The following CIMAP2 variants were observed in gnomAD, a reference collection of about 807,000 sequenced individuals.
CIMAP2 encodes ciliary microtubule-associated protein 2.
At chr1:54,830,258 T>C in the CIMAP2 span, among the ~76,000 whole-genome samples, 29,951 of 152,116 alleles carry the variant, frequency 0.2, 3,060 homozygotes, top group East Asian at 0.34. This position sits in a 1 kb window ranked among gnomAD's most constrained non-coding sequence, Gnocchi z 4.1. Flanking sequence ...GTTTTGCTTT[T>C]GTTGCCCAGG....
chr1:54,807,477 T>C, the CIMAP2 span: 1 of 1,453,252 alleles, frequency 6.9e-7, no homozygotes, highest in South Asian at 1.5e-5. Flanking sequence ...GCTCTGTGGG[T>C]AGACTGGGCG....
chr1:54,808,068 C>T, the CIMAP2 span: 7 of 1,465,698 alleles, frequency 4.8e-6, no homozygotes, highest in Non-Finnish European at 6.3e-6. Context: ...ACTGGGTGCC[C>T]AACAAATTCA....
chr1:54,807,041 C>T, the CIMAP2 span: 1 of 1,614,210 alleles, frequency 6.2e-7, no homozygotes, highest in Non-Finnish European at 8.5e-7. Context: ...AGTTCAGCAC[C>T]TTCACTGAGG....
the CIMAP2 span, among the ~76,000 whole-genome samples, chr1:54,810,089 G>A: frequency 6.6e-6 from 1 of 152,122 alleles, no homozygotes; most frequent in Non-Finnish European, 1.5e-5. Context: ...CTGAGAAAGT[G>A]CCCAGCGCTG....
the CIMAP2 span, among the ~76,000 whole-genome samples, chr1:54,810,886 T>C: frequency 6.6e-6 from 1 of 152,224 alleles, no homozygotes; most frequent in Non-Finnish European, 1.5e-5. Flanking sequence ...CCGTTGCCTG[T>C]GAGCCTCCAC....
chr1:54,811,713 A>G, the CIMAP2 span: 204 of 972,600 alleles, frequency 2.1e-4, no homozygotes, highest in Non-Finnish European at 2.8e-4. Context: ...GGGGATGGCA[A>G]TCTCAGGTGT....
At chr1:54,834,961 G>A in the CIMAP2 span, among the ~76,000 whole-genome samples, 1 of 152,136 alleles carries the variant, frequency 6.6e-6, no homozygotes, top group Non-Finnish European at 1.5e-5. Flanking sequence ...CTATCCATCT[G>A]TTAATTATCT....
At chr1:54,812,067 A>G in the CIMAP2 span, 1 of 1,614,054 alleles carries the variant, frequency 6.2e-7, no homozygotes, top group Admixed American at 1.7e-5. Flanking sequence ...GGGACCCGGC[A>G]CCTACTTCTT....
chr1:54,835,346 C>T, the CIMAP2 span, among the ~76,000 whole-genome samples: 175 of 151,484 alleles, frequency 1.2e-3, no homozygotes, highest in East Asian at 5.4e-3. Flanking sequence ...TGTGTGCCAC[C>T]ACGCCTAGCT....
At chr1:54,815,018 C>T in the CIMAP2 span, 6 of 1,613,986 alleles carry the variant, frequency 3.7e-6, no homozygotes, top group Admixed American at 1.7e-5. Flanking sequence ...CAAAGGCCTG[C>T]CAGATGATTA....
the CIMAP2 span, among the ~76,000 whole-genome samples, chr1:54,821,582 G>A: frequency 2.6e-5 from 4 of 152,054 alleles, no homozygotes; most frequent in Non-Finnish European, 5.9e-5. Flanking sequence ...TCTTTCATCA[G>A]TGTTTTGCAG....
the CIMAP2 span, among the ~76,000 whole-genome samples, chr1:54,837,505 C>T: frequency 6.6e-6 from 1 of 152,170 alleles, no homozygotes; most frequent in Non-Finnish European, 1.5e-5. Context: ...CATCCAACTC[C>T]TTCCCCATAG....
At chr1:54,840,606 T>C in the CIMAP2 span, among the ~76,000 whole-genome samples, 3 of 152,160 alleles carry the variant, frequency 2.0e-5, no homozygotes, top group Non-Finnish European at 4.4e-5. Context: ...ACCAGCAACG[T>C]ATGAGGGGTC....
chr1:54,814,228 G>A, the CIMAP2 span, among the ~76,000 whole-genome samples: 4 of 152,298 alleles, frequency 2.6e-5, no homozygotes, highest in East Asian at 7.7e-4. Context: ...GGAGCCTACA[G>A]CATGGTGCCT....
the CIMAP2 span, chr1:54,808,052 GC>G: frequency 1.3e-6 from 2 of 1,496,092 alleles, no homozygotes; most frequent in Non-Finnish European, 8.9e-7. Context: ...AGAGAGCCTG[GC>G]ATACACTGGG....
chr1:54,811,765 G>GCCGGGGGGGCGGGGGGGCCCCCCCC, the CIMAP2 span: 1 of 1,301,332 alleles, frequency 7.7e-7, no homozygotes, highest in Non-Finnish European at 1.1e-6. Flanking sequence ...GGTTCTGACA[G>GCCGGGGGGGCGGGGGGGCCCCCCCC]CCTCCATGCC....
chr1:54,818,330 T>C, the CIMAP2 span, among the ~76,000 whole-genome samples: 1 of 152,164 alleles, frequency 6.6e-6, no homozygotes, highest in Non-Finnish European at 1.5e-5. Flanking sequence ...TTCAGATATC[T>C]CTTTTAGATG....
the CIMAP2 span, among the ~76,000 whole-genome samples, chr1:54,827,688 T>C: frequency 6.6e-6 from 1 of 152,230 alleles, no homozygotes; most frequent in Non-Finnish European, 1.5e-5. Context: ...CACAGGTGAA[T>C]GTACACTGCC....
chr1:54,809,829 C>T, the CIMAP2 span, among the ~76,000 whole-genome samples: 1 of 151,938 alleles, frequency 6.6e-6, no homozygotes, highest in Non-Finnish European at 1.5e-5. Context: ...GGCCTTCCCA[C>T]CTTCCCTCGT....
Sources: gnomAD v4.1 joint callset for allele counts (sites outside exome capture counted in the v4.1 genomes callset) on GRCh38, gnomAD v4.1.1 for gene constraint, Gnocchi (gnomAD v3.1) non-coding constraint, MANE v1.5 for transcripts, NCBI Gene and HGNC (gene_info 2026-07-23, HGNC 2026-07-21) for gene names.